DIS3L2: variants seen among roughly 807,000 people sequenced by gnomAD.
DIS3L2 encodes DIS3 like 3'-5' exoribonuclease 2.
Under a neutral mutation model 97.5 loss-of-function variants are expected in DIS3L2, and 34 were observed. The ratio of observed to expected loss-of-function variants is 0.35; its 90% CI spans 0.27 to 0.46. The LOEUF is 0.46. Ranked by LOEUF, DIS3L2 falls within the 20% of genes least tolerant of loss-of-function variation. The pLI, the probability that DIS3L2 is intolerant of heterozygous loss-of-function variation, is 1.00. For missense variants in DIS3L2, 1,038 were observed against 1,146.0 expected (o/e 0.91, Z 1.36); for synonymous variants, 435 against 445.2 (o/e 0.98, Z 0.29).
intron 4 of DIS3L2, among the ~76,000 whole-genome samples, chr2:232,024,656 G>A (rs1401260314): frequency 1.3e-5 from 2 of 152,042 alleles, no homozygotes; most frequent in Non-Finnish European, 2.9e-5. Flanking sequence ...TTTTTCCACC[G>A]ATTTAAGTTA....
intron 13 of DIS3L2, among the ~76,000 whole-genome samples, chr2:232,297,596 C>T (rs750707811): frequency 6.6e-6 from 1 of 151,972 alleles, no homozygotes; most frequent in South Asian, 2.1e-4. Flanking sequence ...TCTGTCAAAG[C>T]AGTGTATGCT....
At chr2:232,318,122 G>C (rs1695327802) in intron 14 of DIS3L2, among the ~76,000 whole-genome samples, 1 of 149,826 alleles carries the variant, frequency 6.7e-6, no homozygotes, top group Non-Finnish European at 1.5e-5. Flanking sequence ...GCAAGGCCAG[G>C]CCTCCACAGA....
At chr2:232,017,129 G>GCA (rs1356171106) in intron 3 of DIS3L2, among the ~76,000 whole-genome samples, 2 of 151,974 alleles carry the variant, frequency 1.3e-5, no homozygotes, top group Non-Finnish European at 2.9e-5. Flanking sequence ...TCACTCTGTT[G>GCA]CCCAGGCTGG....
At chr2:232,254,431 C>T (rs1266599183) in intron 12 of DIS3L2, among the ~76,000 whole-genome samples, 1 of 151,880 alleles carries the variant, frequency 6.6e-6, no homozygotes, top group Non-Finnish European at 1.5e-5. Context: ...ATGCCAATAG[C>T]GGTTATGTTT....
intron 14 of DIS3L2, among the ~76,000 whole-genome samples, chr2:232,316,579 G>A (rs922325565): frequency 7.9e-5 from 12 of 152,272 alleles, no homozygotes; most frequent in African/African-American, 2.6e-4. Flanking sequence ...CTGTTCAATG[G>A]GAGGAAAGGC....
At chr2:232,101,156 C>T (rs954926514) in intron 6 of DIS3L2, among the ~76,000 whole-genome samples, 46 of 150,824 alleles carry the variant, frequency 3.0e-4, no homozygotes, top group African/African-American at 9.8e-4. Flanking sequence ...CACTTGAACC[C>T]GGGAGGCAGA....
At chr2:232,288,519 C>T (rs1314831000) in intron 13 of DIS3L2, among the ~76,000 whole-genome samples, 1 of 152,212 alleles carries the variant, frequency 6.6e-6, no homozygotes, top group African/African-American at 2.4e-5. Context: ...GGAACCCCAC[C>T]ACCAACCCCA....
intron 9 of DIS3L2, among the ~76,000 whole-genome samples, chr2:232,203,959 G>A (rs929467522): frequency 6.6e-6 from 1 of 152,154 alleles, no homozygotes; most frequent in Non-Finnish European, 1.5e-5. Flanking sequence ...GGGACATAGC[G>A]GGAGCATGCA....
chr2:232,296,474 C>T (rs1694728348), intron 13 of DIS3L2, among the ~76,000 whole-genome samples: 1 of 152,202 alleles, frequency 6.6e-6, no homozygotes, highest in South Asian at 2.1e-4. Context: ...ACTCAAATCT[C>T]ACCTTGAATT....
At chr2:232,283,573 A>G (rs925895846) in intron 13 of DIS3L2, among the ~76,000 whole-genome samples, 2 of 151,886 alleles carry the variant, frequency 1.3e-5, no homozygotes, top group African/African-American at 2.4e-5. Context: ...GGCCCAGTCT[A>G]TTTCTTATTC....
chr2:231,988,071 G>A (rs1430220592), intron 1 of DIS3L2, among the ~76,000 whole-genome samples: 1 of 152,128 alleles, frequency 6.6e-6, no homozygotes, highest in Admixed American at 6.5e-5. Flanking sequence ...TCCAACTCCC[G>A]ATCTCAGGTG....
intron 10 of DIS3L2, among the ~76,000 whole-genome samples, chr2:232,230,504 A>T (rs1197177955): frequency 6.6e-6 from 1 of 152,182 alleles, no homozygotes; most frequent in Non-Finnish European, 1.5e-5. Flanking sequence ...AAGAGGGGTG[A>T]CCCAAGCCAG....
intron 1 of DIS3L2, among the ~76,000 whole-genome samples, chr2:232,013,486 C>T (rs571660858): frequency 2.8e-4 from 42 of 152,280 alleles, no homozygotes; most frequent in South Asian, 6.2e-4. Context: ...CTGTTTGCGC[C>T]TCTATTTTTA....
intron 5 of DIS3L2, among the ~76,000 whole-genome samples, chr2:232,078,151 C>G (rs1350490356): frequency 6.6e-6 from 1 of 151,610 alleles, no homozygotes; most frequent in Non-Finnish European, 1.5e-5. Flanking sequence ...TCAAGTGATT[C>G]TCCTGCCTCA....
chr2:232,343,528 C>T lies in DIS3L2; in HGVS notation c.1765C>T (p.Gln589Ter). The T allele has an allele frequency of 1.3e-6, 2 of 1,561,050 alleles. No individual in the cohort carries two copies. The highest frequency in any genetic ancestry group is 1.7e-6 in the Non-Finnish European group (2 of 1,152,444). The change falls in exon 14 of 14, where the codon CAA becomes TAA. Residue 589 changes from glutamine (Q) to a stop codon, truncating the protein, a stop_gained. Coordinates refer to the DIS3L2 transcript ENST00000273009. LOFTEE classifies it high-confidence loss of function. ...GAGCCGTGTATTGGAAGCAAAGCCC[C>T]AAAACACGATAAGAGTAGAGGAGCA...
intron 13 of DIS3L2, among the ~76,000 whole-genome samples, chr2:232,264,965 C>A (rs550125072): frequency 6.6e-6 from 1 of 152,186 alleles, no homozygotes; most frequent in Non-Finnish European, 1.5e-5. Flanking sequence ...GACAGGGAGA[C>A]AAGAGGCAGA....
chr2:232,231,641 C>CA lies in DIS3L2; in HGVS notation c.1205-6891dup, dbSNP rs1436619484. Reference sequence around the variant, plus strand: ...GTCACCTGAGGTATGCATATGCAGGCACAGGCTGGGTGCTCTCTTGCAGAC... The same window carrying CA: ...GTCACCTGAGGTATGCATATGCAGGCAACAGGCTGGGTGCTCTCTTGCAGAC... On this transcript the variant is annotated intron_variant, in intron 10 of 20. Coordinates refer to ENST00000325385, the MANE Select transcript of DIS3L2 (RefSeq NM_152383.5). Among the ~76,000 whole-genome samples, 10 of 152,252 alleles carry CA rather than the reference C, an allele frequency of 6.6e-5. No individual in the cohort carries two copies. The East Asian group carries it at 1.5e-3, about 23-fold the overall frequency.
chr2:232,282,162 AAAAAG>A (rs1416935708), intron 13 of DIS3L2, among the ~76,000 whole-genome samples: 2 of 151,766 alleles, frequency 1.3e-5, no homozygotes, highest in Non-Finnish European at 2.9e-5. Context: ...AAAAAAAAAA[AAAAAG>A]GGAATTCACT....
intron 12 of DIS3L2, among the ~76,000 whole-genome samples, chr2:232,259,507 A>G (rs1693661633): frequency 6.6e-6 from 1 of 152,036 alleles, no homozygotes; most frequent in Non-Finnish European, 1.5e-5. Context: ...GAGCCAGGAG[A>G]CGTGGGCCTG....
Sources: gnomAD v4.1 joint callset for allele counts (sites outside exome capture counted in the v4.1 genomes callset) on GRCh38, gnomAD v4.1.1 for gene constraint, MANE v1.5 for transcripts, NCBI Gene and HGNC (gene_info 2026-07-23, HGNC 2026-07-21) for gene names.